STK17A: variants seen among roughly 807,000 people sequenced by gnomAD.
STK17A encodes serine/threonine kinase 17a.
Under a neutral mutation model 43.7 loss-of-function variants are expected in STK17A, and 26 were observed. The ratio of observed to expected loss-of-function variants is 0.60; its 90% CI spans 0.44 to 0.83. The LOEUF is 0.83. Ranked by LOEUF, STK17A falls within the 40% of genes least tolerant of loss-of-function variation. The pLI, the probability that STK17A is intolerant of heterozygous loss-of-function variation, is 0.00. For missense variants in STK17A, 476 were observed against 511.6 expected, an observed-to-expected ratio of 0.93 and a Z score of 0.67; for synonymous variants, 191 against 182.5, an observed-to-expected ratio of 1.05 and a Z score of -0.38.
At chr7:43,603,219 T>C (rs2082566868) in intron 2 of STK17A, among the ~76,000 whole-genome samples, 1 of 152,188 alleles carries the variant, frequency 6.6e-6, no homozygotes, top group African/African-American at 2.4e-5. Flanking sequence ...TCTTTGATGA[T>C]CAGGTTTTTT....
chr7:43,606,386 G>C (rs1312636210), intron 2 of STK17A, among the ~76,000 whole-genome samples: 1 of 152,156 alleles, frequency 6.6e-6, no homozygotes, highest in East Asian at 1.9e-4. Flanking sequence ...GGGAAACTCA[G>C]TTACTCTTAG....
At position 43,627,164 on chromosome 7, in the gene STK17A, T is replaced by TTATGAAATG. The variant is rs1165537006; in HGVS notation, c.*2326_*2334dup. On this transcript the variant is annotated 3_prime_UTR_variant, in exon 7 of 7. Coordinates refer to ENST00000319357, the MANE Select transcript of STK17A (RefSeq NM_004760.3). The stretch of plus-strand genomic sequence containing the variant: ...ATATTTTGGTGTGGTGAAACGTTGT[T>TTATGAAATG]TATGAAATGTATAAAATGTATAAGT... Among the ~76,000 whole-genome samples the TTATGAAATG allele has an allele frequency of 6.6e-6, 1 of 152,246 alleles. No individual in the cohort carries two copies. The highest frequency in any genetic ancestry group is 1.5e-5 in the Non-Finnish European group (1 of 68,040).
intron 3 of STK17A, among the ~76,000 whole-genome samples, chr7:43,615,489 T>C (rs2152993183): frequency 6.8e-6 from 1 of 146,250 alleles, no homozygotes; most frequent in Non-Finnish European, 1.6e-5. Context: ...TTTGTTGTAC[T>C]ATAGTATTTT....
At chr7:43,600,221 A>G (rs553916225) in intron 2 of STK17A, among the ~76,000 whole-genome samples, 1 of 152,340 alleles carries the variant, frequency 6.6e-6, no homozygotes, top group Admixed American at 6.5e-5. Context: ...TTAATTTCCA[A>G]ATAAAGACAG....
At chr7:43,606,849 T>C (rs1451455277) in intron 2 of STK17A, among the ~76,000 whole-genome samples, 1 of 151,394 alleles carries the variant, frequency 6.6e-6, no homozygotes, top group Non-Finnish European at 1.5e-5. Flanking sequence ...GAGAGAAATA[T>C]AGTCTCTTTT....
At chr7:43,607,476 C>T (rs1299129807) in intron 2 of STK17A, among the ~76,000 whole-genome samples, 1 of 151,420 alleles carries the variant, frequency 6.6e-6, no homozygotes, top group African/African-American at 2.4e-5. Context: ...GGTGAAACCC[C>T]GTCTCTACTA....
intron 1 of STK17A, among the ~76,000 whole-genome samples, chr7:43,585,197 C>CAA (rs539230020): frequency 7.1e-6 from 1 of 141,162 alleles, no homozygotes; most frequent in South Asian, 2.3e-4. Flanking sequence ...ACTCCATCTC[C>CAA]AAAAAAAAAA....
At chr7:43,604,065 G>A (rs2082573368) in intron 2 of STK17A, among the ~76,000 whole-genome samples, 1 of 152,130 alleles carries the variant, frequency 6.6e-6, no homozygotes, top group African/African-American at 2.4e-5. Context: ...ACTAGTTGTT[G>A]TGTGAACTAG....
chr7:43,619,636 G>T lies in STK17A; in HGVS notation c.604G>T (p.Asp202Tyr). 6.2e-7 allele frequency: 1 copy of T among 1,614,088 alleles called. No individual in the cohort carries two copies. The highest frequency in any genetic ancestry group is 8.5e-7 in the Non-Finnish European group (1 of 1,179,990). The change falls in exon 4 of 7, where the codon GAC becomes TAC. Residue 202 changes from aspartate (D) to tyrosine (Y), a missense_variant. Physicochemically the swap from Asp to Tyr is radical, Grantham distance 160. Transcript: ENST00000319357. Reference sequence around the variant, plus strand: ...GTTGACAAGTGAATCTCCATTGGGTGACATTAAGATTGTTGATTTTGGCCT... The same window carrying T: ...GTTGACAAGTGAATCTCCATTGGGTTACATTAAGATTGTTGATTTTGGCCT... Reference protein sequence around the residue: ...ILLTSESPLGDIKIVDFGLSR... With the variant: ...ILLTSESPLGYIKIVDFGLSR...
intron 1 of STK17A, among the ~76,000 whole-genome samples, chr7:43,588,531 C>T (rs1160801229): frequency 6.6e-6 from 1 of 151,468 alleles, no homozygotes; most frequent in Non-Finnish European, 1.5e-5. Flanking sequence ...AAAATCCATT[C>T]TAGGTTTTTC....
intron 2 of STK17A, among the ~76,000 whole-genome samples, chr7:43,607,870 C>T (rs2082622023): frequency 6.6e-6 from 1 of 152,140 alleles, no homozygotes; most frequent in African/African-American, 2.4e-5. Flanking sequence ...CAAATTGTGG[C>T]CTGTATGTGC....
chr7:43,600,830 T>G (rs1438279909), intron 2 of STK17A, among the ~76,000 whole-genome samples: 1 of 152,212 alleles, frequency 6.6e-6, no homozygotes, highest in Non-Finnish European at 1.5e-5. Flanking sequence ...TCCTCCTGCC[T>G]CAGCCTCCCA....
Position 43,587,147 on chromosome 7 carries a change from G to GTTTTTT in STK17A, c.206+3699_206+3704dup, listed in dbSNP as rs202031785. 2.6e-4 allele frequency among the ~76,000 whole-genome samples: 30 copies of GTTTTTT among 113,456 alleles called. 1 individual carries two copies. The highest frequency in any genetic ancestry group is 2.6e-4 in the African/African-American group (9 of 34,630). 74.4% of individuals were successfully genotyped at this position (113,456 alleles called of 152,430 possible). A position where few individuals can be genotyped will look rare whatever the true frequency, so the allele number is the denominator to read the frequency against. On this transcript the variant is annotated intron_variant, in intron 1 of 6. Coordinates refer to ENST00000319357, the MANE Select transcript of STK17A (RefSeq NM_004760.3). ...TTTAATGAAATGATATGTTTTTATTGTTTTTTGTTTTTTTTTTTTTTTTTT... is the reference window on the plus strand; with the variant it reads ...TTTAATGAAATGATATGTTTTTATTGTTTTTTTTTTTTGTTTTTTTTTTTTTTTTTT...
rs190231365 is a variant in STK17A at position 43,592,259 on chromosome 7, A to T, written c.207-3642A>T. ...TTTGTGGGATAAAATGAAAGGTATT[A>T]ATTACTCTTTGAGGAATTCATTTAT... is the stretch of plus-strand genomic sequence containing the variant. On this transcript the variant is annotated intron_variant, in intron 1 of 6. Coordinates refer to ENST00000319357, the MANE Select transcript of STK17A (RefSeq NM_004760.3). Among the ~76,000 whole-genome samples, 800 of 151,618 alleles carry T rather than the reference A, an allele frequency of 5.3e-3. 43 individuals are homozygous for T. Among genetic ancestry groups the T allele is most frequent in the South Asian group, 7.7e-3 (37 of 4,816 alleles).
Position 43,626,638 on chromosome 7 carries a change from G to GA in STK17A, c.*1802dup, listed in dbSNP as rs1484871968. 6.6e-6 allele frequency: 1 copy of GA among 152,038 alleles called. No homozygotes were observed. The highest frequency in any genetic ancestry group is 1.5e-5 in the Non-Finnish European group (1 of 67,984). The allele number at this position is 152,038 out of a possible 1,614,324, so 9.4% of individuals were successfully genotyped here. ...GTATTAGGCAAATATTTATCTCTCTGAAAAAATAGGGAGGAGGTGACCAGG... is the reference window on the plus strand; with the variant it reads ...GTATTAGGCAAATATTTATCTCTCTGAAAAAAATAGGGAGGAGGTGACCAGG... On this transcript the variant is annotated 3_prime_UTR_variant, in exon 7 of 7. Transcript: ENST00000319357.
At chr7:43,602,954 T>C (rs1243717028) in intron 2 of STK17A, among the ~76,000 whole-genome samples, 1 of 152,178 alleles carries the variant, frequency 6.6e-6, no homozygotes, top group Non-Finnish European at 1.5e-5. Context: ...TGTTTTTCTT[T>C]TGTTTAGTAT....
intron 3 of STK17A, among the ~76,000 whole-genome samples, chr7:43,610,858 T>C (rs1422536919): frequency 6.6e-6 from 1 of 152,302 alleles, no homozygotes; most frequent in Non-Finnish European, 1.5e-5. Context: ...GGCTCATGCC[T>C]GTAATCCCAG....
intron 2 of STK17A, among the ~76,000 whole-genome samples, chr7:43,598,435 A>G (rs550477531): frequency 2.7e-4 from 40 of 147,164 alleles, no homozygotes; most frequent in African/African-American, 9.5e-4. Context: ...GTGCCACTGC[A>G]CTCCAGCCTG....
At chr7:43,619,865 C>T in intron 4 of STK17A, 142 bp downstream of exon 4, 2 of 1,165,888 alleles carry the variant, frequency 1.7e-6, no homozygotes, top group South Asian at 3.2e-5. Context: ...CTTTGGATTA[C>T]ATTTTACAAT....
Sources: allele counts gnomAD v4.1 joint callset (sites outside exome capture counted in the v4.1 genomes callset), GRCh38; gene constraint gnomAD v4.1.1; transcripts MANE v1.5; gene names NCBI Gene and HGNC (gene_info 2026-07-23, HGNC 2026-07-21).